CLSTN2: variants seen among roughly 807,000 people sequenced by gnomAD.
The protein encoded by CLSTN2 is calsyntenin 2.
A neutral mutation model predicts 101.2 loss-of-function variants in CLSTN2; 48 were observed. That is an observed-to-expected ratio of 0.47 (90% CI 0.38 to 0.60). CLSTN2 has a LOEUF of 0.60. Ranked by LOEUF, CLSTN2 falls within the 20% of genes least tolerant of loss-of-function variation. CLSTN2 has a pLI of 0.00. For missense variants in CLSTN2, 1,160 were observed against 1,238.2 expected (o/e 0.94, Z 0.95); for synonymous variants, 481 against 463.6 (o/e 1.04, Z -0.48).
intron 1 of CLSTN2, among the ~76,000 whole-genome samples, chr3:140,104,776 C>A (rs183757791): frequency 6.6e-6 from 1 of 152,328 alleles, no homozygotes; most frequent in East Asian, 1.9e-4. Context: ...GAGTTTGAGA[C>A]CAGCCTGGCC....
At chr3:140,556,347 C>T (rs1350221860) in intron 10 of CLSTN2, among the ~76,000 whole-genome samples, 166 bp from the exon 11 acceptor site, 1 of 152,150 alleles carries the variant, frequency 6.6e-6, no homozygotes, top group Non-Finnish European at 1.5e-5. Context: ...GGAGGAAATG[C>T]TTGAGAGTTT....
chr3:140,335,465 A>AC (rs1203346788), intron 2 of CLSTN2, among the ~76,000 whole-genome samples: 1 of 151,720 alleles, frequency 6.6e-6, no homozygotes, highest in African/African-American at 2.4e-5. Context: ...CCAAAAAAAA[A>AC]AAAGCCCCAC....
In CLSTN2 at chr3:140,329,065, A is replaced by G. The variant is rs574925583; in HGVS notation, c.233-74564A>G. ...GACTCAGTTTTCCCCCATTCAGTTCATCATTTGGCTGGAATAGATGATCTG... is the reference window on the plus strand; with the variant it reads ...GACTCAGTTTTCCCCCATTCAGTTCGTCATTTGGCTGGAATAGATGATCTG... On this transcript the variant is annotated intron_variant, in intron 2 of 16. Transcript: ENST00000458420. Among the ~76,000 whole-genome samples the G allele has an allele frequency of 2.0e-5, 3 of 152,334 alleles. No homozygotes were observed. In the East Asian group the frequency reaches 5.8e-4, roughly 29 times the overall value.
chr3:140,246,928 T>C (rs181095723), intron 2 of CLSTN2, among the ~76,000 whole-genome samples: 1 of 152,246 alleles, frequency 6.6e-6, no homozygotes, highest in Admixed American at 6.5e-5. Flanking sequence ...AAAATGGAAA[T>C]AATAATGCTC....
At chr3:140,029,065 T>C (rs185163163) in intron 1 of CLSTN2, among the ~76,000 whole-genome samples, 2 of 152,358 alleles carry the variant, frequency 1.3e-5, no homozygotes, top group East Asian at 1.9e-4. Flanking sequence ...CGTCTTGTCA[T>C]TGCACGATGA....
intron 2 of CLSTN2, among the ~76,000 whole-genome samples, chr3:140,347,448 G>T (rs1417105968): frequency 6.6e-6 from 1 of 152,170 alleles, no homozygotes; most frequent in Admixed American, 6.5e-5. Context: ...GCCTAAACCT[G>T]GTGTGAACAT....
intron 1 of CLSTN2, among the ~76,000 whole-genome samples, chr3:140,110,399 G>T (rs951111136): frequency 1.3e-5 from 2 of 152,192 alleles, no homozygotes; most frequent in African/African-American, 4.8e-5. Context: ...TAAGCAAAGA[G>T]GGAAATGTAA....
intron 2 of CLSTN2, among the ~76,000 whole-genome samples, chr3:140,233,628 G>A (rs986413408): frequency 3.3e-5 from 5 of 152,134 alleles, no homozygotes; most frequent in African/African-American, 1.2e-4. Flanking sequence ...ATATTAATGG[G>A]CCAAGTTTTC....
intron 9 of CLSTN2, 80 bp from the exon 10 acceptor site, chr3:140,546,435 G>A: frequency 6.8e-7 from 1 of 1,462,190 alleles, no homozygotes; most frequent in Admixed American, 1.9e-5. Flanking sequence ...GGCGTCTTTG[G>A]CTGCATGGCC....
intron 2 of CLSTN2, among the ~76,000 whole-genome samples, chr3:140,341,417 T>C (rs1293263565): frequency 1.3e-5 from 2 of 152,210 alleles, no homozygotes; most frequent in Non-Finnish European, 2.9e-5. Context: ...GCAGAGCAAC[T>C]TCCAATAGTG....
intron 1 of CLSTN2, among the ~76,000 whole-genome samples, chr3:139,962,081 T>C (rs1347550991): frequency 1.3e-5 from 2 of 152,190 alleles, no homozygotes; most frequent in Admixed American, 6.5e-5. Flanking sequence ...ATTTTTTCAT[T>C]ATAAATAATT....
chr3:140,351,302 G>T (rs552914611), intron 2 of CLSTN2, among the ~76,000 whole-genome samples: 1 of 152,282 alleles, frequency 6.6e-6, no homozygotes, highest in African/African-American at 2.4e-5. Flanking sequence ...AGATTTTATA[G>T]TCTGTGAAAT....
At chr3:140,462,022 G>A (rs1448605443) in intron 7 of CLSTN2, among the ~76,000 whole-genome samples, 1 of 151,862 alleles carries the variant, frequency 6.6e-6, no homozygotes, top group Non-Finnish European at 1.5e-5. Context: ...AGCAATGTAT[G>A]TCTATAGTGG....
intron 2 of CLSTN2, among the ~76,000 whole-genome samples, chr3:140,266,835 C>A (rs563131748): frequency 6.6e-6 from 1 of 152,294 alleles, no homozygotes; most frequent in South Asian, 2.1e-4. Context: ...TGTTAATCAG[C>A]AATTTGTCCT....
intron 1 of CLSTN2, among the ~76,000 whole-genome samples, chr3:140,072,965 C>T (rs1365803422): frequency 1.3e-5 from 2 of 152,140 alleles, no homozygotes; most frequent in African/African-American, 4.8e-5. Context: ...AATTTATCTC[C>T]TCACTTTTCT....
At chr3:140,014,865 G>C (rs1210229078) in intron 1 of CLSTN2, among the ~76,000 whole-genome samples, 1 of 152,198 alleles carries the variant, frequency 6.6e-6, no homozygotes, top group Non-Finnish European at 1.5e-5. Context: ...GTAGGATTTT[G>C]AGTAAAGGAG....
chr3:139,941,194 A>G (rs971502245), intron 1 of CLSTN2, among the ~76,000 whole-genome samples: 8 of 152,102 alleles, frequency 5.3e-5, no homozygotes, highest in Non-Finnish European at 1.0e-4. Flanking sequence ...TGGGAAAGAC[A>G]GGTTTTGAGG....
At chr3:140,197,214 G>A (rs1161752985) in intron 2 of CLSTN2, among the ~76,000 whole-genome samples, 2 of 152,116 alleles carry the variant, frequency 1.3e-5, no homozygotes, top group Admixed American at 6.5e-5. Context: ...TTGTTCAGTG[G>A]CATTTACAGA....
At chr3:140,188,529 G>T (rs1248542737) in intron 2 of CLSTN2, among the ~76,000 whole-genome samples, 2 of 152,080 alleles carry the variant, frequency 1.3e-5, no homozygotes. Context: ...ATCCCAGCTG[G>T]TGTGCTTCCC....
Sources: allele counts gnomAD v4.1 joint callset (sites outside exome capture counted in the v4.1 genomes callset), GRCh38; gene constraint gnomAD v4.1.1; transcripts MANE v1.5; gene names NCBI Gene and HGNC (gene_info 2026-07-23, HGNC 2026-07-21).